The following ANTXR1 variants were observed in gnomAD, a reference collection of about 807,000 sequenced individuals.
ANTXR1 encodes the protein ANTXR cell adhesion molecule 1, also known as anthrax toxin receptor 1.
Under a neutral mutation model 78.1 loss-of-function variants are expected in ANTXR1, and 19 were observed. The observed-to-expected ratio is 0.24, with a 90% confidence interval of 0.17 to 0.36. ANTXR1 has a LOEUF of 0.36. Ranked by LOEUF, ANTXR1 falls within the 10% of genes least tolerant of loss-of-function variation. ANTXR1 has a pLI of 1.00. For synonymous variants in ANTXR1, 273 were observed against 260.5 expected, an observed-to-expected ratio of 1.05 and a Z score of -0.46; for missense variants, 518 against 718.6, an observed-to-expected ratio of 0.72 and a Z score of 3.19.
intron 13 of ANTXR1, among the ~76,000 whole-genome samples, chr2:69,169,379 A>G (rs946042354): frequency 6.6e-6 from 1 of 152,248 alleles, no homozygotes. Flanking sequence ...GAGTGGAATT[A>G]TAGTAGATAA....
At chr2:69,128,839 C>T (rs1672632966) in intron 12 of ANTXR1, among the ~76,000 whole-genome samples, 1 of 152,218 alleles carries the variant, frequency 6.6e-6, no homozygotes, top group African/African-American at 2.4e-5. Flanking sequence ...CAGTCACAGC[C>T]TGCCCAGTTC....
chr2:69,077,576 C>T, intron 8 of ANTXR1, 88 bp downstream of exon 8: 2 of 1,409,246 alleles, frequency 1.4e-6, no homozygotes, highest in African/African-American at 1.4e-5. Flanking sequence ...TCTCTCAAAG[C>T]CTGGTGTTTT....
At chr2:69,219,421 A>ACC (rs1553376807) in intron 17 of ANTXR1, among the ~76,000 whole-genome samples, 4 of 150,094 alleles carry the variant, frequency 2.7e-5, no homozygotes, top group African/African-American at 5.0e-5. Flanking sequence ...ACACACACAC[A>ACC]CCCTACTGAT....
chr2:69,139,779 T>C (rs888043449), intron 12 of ANTXR1, among the ~76,000 whole-genome samples: 3 of 152,168 alleles, frequency 2.0e-5, no homozygotes, highest in African/African-American at 7.2e-5. Flanking sequence ...TGAGGGATGA[T>C]CAATCAGACC....
At position 69,123,096 on chromosome 2, in the gene ANTXR1, C is replaced by T. The variant is rs372986821; in HGVS notation, c.872+10C>T. On this transcript the variant is annotated intron_variant, in intron 11 of 17. Transcript: ENST00000303714. ...TAAAAGAAGTTGGCATGTAAGTTTT[C>T]ACCAGCAACTGAACCTCCCAGCCAG... 7 of 1,613,928 alleles carry T rather than the reference C, an allele frequency of 4.3e-6. No homozygotes were observed. The highest frequency in any genetic ancestry group is 5.1e-6 in the Non-Finnish European group (6 of 1,179,864).
chr2:69,241,913 G>T (rs985354699), intron 17 of ANTXR1, among the ~76,000 whole-genome samples: 7 of 152,140 alleles, frequency 4.6e-5, no homozygotes, highest in Admixed American at 4.6e-4. Context: ...TAAGTGACAG[G>T]CGGTATGATT....
chr2:69,132,531 G>A (rs1273705292), intron 12 of ANTXR1, among the ~76,000 whole-genome samples: 2 of 152,250 alleles, frequency 1.3e-5, no homozygotes. Context: ...CCGGTAGGGA[G>A]TGAATTCAGT....
At chr2:69,139,622 T>C (rs1347237571) in intron 12 of ANTXR1, among the ~76,000 whole-genome samples, 3 of 152,204 alleles carry the variant, frequency 2.0e-5, no homozygotes, top group Non-Finnish European at 4.4e-5. Flanking sequence ...TGATCATAGA[T>C]GATAGATGCT....
chr2:69,034,128 A>T (rs972410362), intron 1 of ANTXR1, among the ~76,000 whole-genome samples: 2 of 152,220 alleles, frequency 1.3e-5, no homozygotes, highest in Non-Finnish European at 2.9e-5. Context: ...GTGCAATGTC[A>T]CAAAAATTTC....
chr2:69,148,874 A>G (rs1673309777), intron 12 of ANTXR1, among the ~76,000 whole-genome samples: 1 of 152,214 alleles, frequency 6.6e-6, no homozygotes, highest in African/African-American at 2.4e-5. Flanking sequence ...CAGCCAGCAG[A>G]ACACAAGCAT....
At chr2:69,038,730 T>C (rs1669523584) in intron 1 of ANTXR1, among the ~76,000 whole-genome samples, 1 of 152,202 alleles carries the variant, frequency 6.6e-6, no homozygotes, top group Non-Finnish European at 1.5e-5. Flanking sequence ...GAATTGAATG[T>C]GAATTTGAGG....
In ANTXR1 at chr2:69,189,928, T is replaced by C. The variant is rs573328173; in HGVS notation, c.1354-3407T>C. 1.1e-4 allele frequency among the ~76,000 whole-genome samples: 17 copies of C among 152,238 alleles called. No individual in the cohort carries two copies. The South Asian group carries it at 3.3e-3, about 30-fold the overall frequency. The stretch of plus-strand genomic sequence containing the variant: ...CACATTACAATTAAGATTTAATAGG[T>C]AAATAGATACCCAGATCTGGAGCTC... On this transcript the variant is annotated intron_variant, in intron 16 of 17. Coordinates refer to ENST00000303714, the MANE Select transcript of ANTXR1 (RefSeq NM_032208.3).
intron 12 of ANTXR1, among the ~76,000 whole-genome samples, chr2:69,126,818 A>T (rs952157754): frequency 6.6e-6 from 1 of 152,244 alleles, no homozygotes; most frequent in African/African-American, 2.4e-5. Context: ...GGCAGCCTCC[A>T]GTTACATCTT....
intron 17 of ANTXR1, among the ~76,000 whole-genome samples, chr2:69,206,682 A>C (rs1674913834): frequency 6.6e-6 from 1 of 152,186 alleles, no homozygotes; most frequent in Non-Finnish European, 1.5e-5. Context: ...ATAGCCAAGG[A>C]AGCTGCAGAG....
At chr2:69,066,606 G>A (rs1337475996) in intron 3 of ANTXR1, among the ~76,000 whole-genome samples, 1 of 152,198 alleles carries the variant, frequency 6.6e-6, no homozygotes, top group African/African-American at 2.4e-5. Context: ...AAGCCCAGAA[G>A]ACATTGTGAC....
chr2:69,112,243 T>G (rs1672013019), intron 10 of ANTXR1, among the ~76,000 whole-genome samples: 1 of 152,136 alleles, frequency 6.6e-6, no homozygotes, highest in African/African-American at 2.4e-5. Context: ...CATTTCATCA[T>G]CACCGCAGCC....
At chr2:69,176,842 A>C (rs1011503353) in intron 14 of ANTXR1, among the ~76,000 whole-genome samples, 1 of 152,190 alleles carries the variant, frequency 6.6e-6, no homozygotes, top group African/African-American at 2.4e-5. Flanking sequence ...GATAGTTCCT[A>C]TTGAAACCTG....
At chr2:69,019,132 A>G (rs1250880332) in intron 1 of ANTXR1, among the ~76,000 whole-genome samples, 1 of 152,250 alleles carries the variant, frequency 6.6e-6, no homozygotes, top group African/African-American at 2.4e-5. Context: ...ACACAGATGT[A>G]GCTTATTTTC....
chr2:69,227,047 C>G (rs1675474230), intron 17 of ANTXR1, among the ~76,000 whole-genome samples: 1 of 152,146 alleles, frequency 6.6e-6, no homozygotes, highest in Non-Finnish European at 1.5e-5. Context: ...ATTTCAGATC[C>G]AACTTCTACA....
Sources: gnomAD v4.1 joint callset for allele counts (sites outside exome capture counted in the v4.1 genomes callset) on GRCh38, gnomAD v4.1.1 for gene constraint, MANE v1.5 for transcripts, NCBI Gene and HGNC (gene_info 2026-07-23, HGNC 2026-07-21) for gene names.